NRG3: variants seen among roughly 807,000 people sequenced by gnomAD.
NRG3 encodes pro-neuregulin-3, membrane-bound isoform.
Under a neutral mutation model 66.9 loss-of-function variants are expected in NRG3, and 31 were observed. That is an observed-to-expected ratio of 0.46 (90% CI 0.35 to 0.63). NRG3 has a LOEUF of 0.63. Among genes scored for constraint, NRG3 ranks in the 20% least tolerant of loss-of-function variants. The pLI, the probability that NRG3 is intolerant of heterozygous loss-of-function variation, is 0.00. For missense variants in NRG3, 910 were observed against 878.9 expected, an observed-to-expected ratio of 1.04 and a Z score of -0.45; for synonymous variants, 393 against 359.4, an observed-to-expected ratio of 1.09 and a Z score of -1.06.
chr10:81,959,811 A>G (rs1000661175), intron 1 of NRG3, among the ~76,000 whole-genome samples: 2 of 152,076 alleles, frequency 1.3e-5, no homozygotes, highest in African/African-American at 4.8e-5. Context: ...TTTACTTTTT[A>G]TGGCTTAAGA....
intron 1 of NRG3, among the ~76,000 whole-genome samples, chr10:82,089,985 G>A (rs577231558): frequency 1.3e-5 from 2 of 152,270 alleles, no homozygotes; most frequent in African/African-American, 4.8e-5. Context: ...TCCATGGCAT[G>A]GTGGGGTTGA....
At chr10:82,726,925 G>A (rs1218621326) in intron 2 of NRG3, among the ~76,000 whole-genome samples, 2 of 152,130 alleles carry the variant, frequency 1.3e-5, no homozygotes, top group Non-Finnish European at 2.9e-5. Context: ...AACTTGTTGG[G>A]AACTAGAGCA....
chr10:82,105,622 A>G (rs1248805540), intron 1 of NRG3, among the ~76,000 whole-genome samples: 1 of 152,170 alleles, frequency 6.6e-6, no homozygotes, highest in African/African-American at 2.4e-5. Context: ...TTGATGCCCT[A>G]CGTCATCCTC....
intron 1 of NRG3, among the ~76,000 whole-genome samples, chr10:82,291,614 A>G (rs998374302): frequency 3.9e-5 from 6 of 152,220 alleles, no homozygotes; most frequent in Non-Finnish European, 8.8e-5. Flanking sequence ...GAGAGACACA[A>G]ATCAGTTGGA....
chr10:82,405,961 A>C (rs2087488060), intron 2 of NRG3, among the ~76,000 whole-genome samples: 1 of 152,188 alleles, frequency 6.6e-6, no homozygotes, highest in South Asian at 2.1e-4. Context: ...TGGTACATTA[A>C]AAACAATTTG....
chr10:82,029,245 A>G (rs2062457658), intron 1 of NRG3, among the ~76,000 whole-genome samples: 1 of 152,086 alleles, frequency 6.6e-6, no homozygotes, highest in East Asian at 1.9e-4. Context: ...TCTGATACCC[A>G]TCGTTACCAC....
At chr10:82,052,585 G>GT (rs2063654784) in intron 1 of NRG3, among the ~76,000 whole-genome samples, 1 of 152,154 alleles carries the variant, frequency 6.6e-6, no homozygotes, top group African/African-American at 2.4e-5. Context: ...TCCCTGATCT[G>GT]TTTTAAGAAT....
At position 81,975,314 on chromosome 10, in the gene NRG3, C is replaced by CATCTATCT. The variant is rs140419592; in HGVS notation, c.823+99206_823+99213dup. 5.7e-3 allele frequency among the ~76,000 whole-genome samples: 822 copies of CATCTATCT among 143,832 alleles called. 4 individuals carry two copies. The highest frequency in any genetic ancestry group is 0.011 in the East Asian group (51 of 4,702). 94.4% of individuals were successfully genotyped at this position (143,832 alleles called of 152,430 possible). On this transcript the variant is annotated intron_variant, in intron 1 of 8. Transcript: ENST00000372141. ...TATATGAGCTCATACAATTGTGTAA[C>CATCTATCT]ATCTATCTATCTATCTATCTATCTA...
chr10:82,960,464 T>A (rs922347268), intron 6 of NRG3, among the ~76,000 whole-genome samples: 1 of 45,614 alleles, frequency 2.2e-5, no homozygotes, highest in Non-Finnish European at 4.4e-5. Flanking sequence ...AATGGCTGGA[T>A]TTTTTTTTTT....
intron 2 of NRG3, among the ~76,000 whole-genome samples, chr10:82,441,114 A>G (rs894259992): frequency 6.6e-6 from 1 of 152,198 alleles, no homozygotes; most frequent in African/African-American, 2.4e-5. Context: ...TAAATATTGG[A>G]GCAATTTGTA....
chr10:82,824,821 A>G (rs1020699357), intron 3 of NRG3, among the ~76,000 whole-genome samples: 1 of 151,450 alleles, frequency 6.6e-6, no homozygotes, highest in African/African-American at 2.4e-5. Flanking sequence ...GGCTCAAGTC[A>G]TCCCCCCATT....
intron 1 of NRG3, among the ~76,000 whole-genome samples, chr10:82,094,455 T>C (rs1462831333): frequency 6.6e-6 from 1 of 152,208 alleles, no homozygotes; most frequent in African/African-American, 2.4e-5. Context: ...GAACTAGAAA[T>C]AGATCTACCT....
chr10:82,151,485 T>C (rs74144175), intron 1 of NRG3, among the ~76,000 whole-genome samples: 10,292 of 152,190 alleles, frequency 0.068, 1,194 homozygotes, highest in African/African-American at 0.23. Flanking sequence ...AATCGGAACC[T>C]CTCTGCTCTG....
chr10:82,535,998 A>G (rs1359131146), intron 2 of NRG3, among the ~76,000 whole-genome samples: 1 of 151,068 alleles, frequency 6.6e-6, no homozygotes, highest in Non-Finnish European at 1.5e-5. Flanking sequence ...GACAATCCTT[A>G]AGCTGAGATA....
intron 1 of NRG3, among the ~76,000 whole-genome samples, chr10:82,143,704 G>A (rs996251609): frequency 6.6e-6 from 1 of 152,194 alleles, no homozygotes; most frequent in Non-Finnish European, 1.5e-5. Flanking sequence ...GATAAATTAT[G>A]TTTACCTTAT....
intron 1 of NRG3, among the ~76,000 whole-genome samples, chr10:82,274,823 A>G (rs2078763174): frequency 1.3e-5 from 2 of 151,982 alleles, no homozygotes; most frequent in African/African-American, 4.8e-5. Flanking sequence ...CATTAAAACT[A>G]TGCTGCAGTT....
intron 1 of NRG3, among the ~76,000 whole-genome samples, chr10:82,297,950 T>G (rs1268919437): frequency 1.3e-5 from 2 of 152,024 alleles, no homozygotes; most frequent in Non-Finnish European, 2.9e-5. Flanking sequence ...GAGATGAACC[T>G]GGGCAACATG....
At chr10:82,690,923 G>A (rs1026439600) in intron 2 of NRG3, among the ~76,000 whole-genome samples, 1 of 152,012 alleles carries the variant, frequency 6.6e-6, no homozygotes, top group African/African-American at 2.4e-5. Context: ...GACAGCCCCT[G>A]CTCATTCTCT....
intron 1 of NRG3, among the ~76,000 whole-genome samples, chr10:81,997,336 A>G (rs748870936): frequency 3.3e-5 from 5 of 152,202 alleles, no homozygotes; most frequent in African/African-American, 1.2e-4. Context: ...GTGCCTGTGC[A>G]GGGTCACTAT....
Sources: allele counts gnomAD v4.1 joint callset (sites outside exome capture counted in the v4.1 genomes callset), GRCh38; gene constraint gnomAD v4.1.1; transcripts MANE v1.5; gene names NCBI Gene and HGNC (gene_info 2026-07-23, HGNC 2026-07-21).